ITPRID1: variants seen among roughly 807,000 people sequenced by gnomAD.
ITPRID1 encodes the protein protein ITPRID1.
ITPRID1 carries 96 observed loss-of-function variants against 95.4 expected under a neutral mutation model. The ratio of observed to expected loss-of-function variants is 1.01; its 90% CI spans 0.85 to 1.19. ITPRID1 has a LOEUF of 1.19. ITPRID1 is among the 50% of genes most tolerant of loss of function. The pLI is 0.00. For synonymous variants in ITPRID1, 510 were observed against 453.6 expected (o/e 1.12, Z -1.58); for missense variants, 1,339 against 1,252.9 (o/e 1.07, Z -1.04).
chr7:31,574,477 C>A, intron 7 of ITPRID1, 63 bp from the exon 8 acceptor site: 1 of 1,467,558 alleles, frequency 6.8e-7, no homozygotes, highest in Non-Finnish European at 9.5e-7. Flanking sequence ...GATGAGGTGA[C>A]CAGAAAAAAA....
At chr7:31,592,022 A>G (rs565944784) in intron 10 of ITPRID1, among the ~76,000 whole-genome samples, 93 of 152,374 alleles carry the variant, frequency 6.1e-4, no homozygotes, top group African/African-American at 2.2e-3. Context: ...ATATCTCATT[A>G]GCAACATAAA....
At chr7:31,533,186 G>A (rs898136578) in intron 1 of ITPRID1, among the ~76,000 whole-genome samples, 60 of 152,034 alleles carry the variant, frequency 3.9e-4, no homozygotes, top group African/African-American at 1.4e-3. Context: ...TTTCTTCAAT[G>A]CATATGAAGC....
intron 10 of ITPRID1, among the ~76,000 whole-genome samples, chr7:31,629,075 C>T (rs1235196949): frequency 6.6e-6 from 1 of 152,180 alleles, no homozygotes; most frequent in Non-Finnish European, 1.5e-5. Flanking sequence ...GGTCATGGGA[C>T]ATTGTTCACT....
At chr7:31,632,318 C>T (rs756381089) in intron 10 of ITPRID1, among the ~76,000 whole-genome samples, 2 of 151,968 alleles carry the variant, frequency 1.3e-5, no homozygotes, top group Admixed American at 6.6e-5. Flanking sequence ...CGTGGTGGCA[C>T]GTGCCTGTAG....
At chr7:31,586,622 G>A (rs1287028065) in intron 10 of ITPRID1, among the ~76,000 whole-genome samples, 6 of 152,164 alleles carry the variant, frequency 3.9e-5, no homozygotes, top group African/African-American at 1.4e-4. Flanking sequence ...GTGTTTTTTG[G>A]CTGTATAAAT....
chr7:31,643,024 G>T lies in ITPRID1; in HGVS notation c.1654G>T (p.Glu552Ter). 1 of 1,614,008 alleles carries T rather than the reference G, an allele frequency of 6.2e-7. No individual in the cohort carries two copies. Among genetic ancestry groups the T allele is most frequent in the East Asian group, 2.2e-5 (1 of 44,872 alleles). Residue 552 changes from glutamate (E) to a stop codon, truncating the protein, a stop_gained, in exon 12 of 15, where the codon GAG becomes TAG. Coordinates refer to ENST00000615280, the MANE Select transcript of ITPRID1 (RefSeq NM_001257967.3). LOFTEE classifies it high-confidence loss of function. ...TCTGCCAATGCCCCATGCTGAGTAT[G>T]AGGTCACCAGACCCACAGCCACTTC... is the stretch of plus-strand genomic sequence containing the variant. ...QLLPMPHAEY[E>*]VTRPTATSKY...
chr7:31,541,480 C>T (rs958103048), intron 1 of ITPRID1, among the ~76,000 whole-genome samples: 5 of 152,100 alleles, frequency 3.3e-5, no homozygotes, highest in Admixed American at 1.3e-4. Flanking sequence ...TTAGGGTAGC[C>T]ATAGTTAAAA....
rs200626153 is a variant in ITPRID1 at position 31,642,881 on chromosome 7, A to G, written c.1511A>G (p.Glu504Gly). ...EQRASVSVME[E>G]EFLLEAMEGP... is the part of the protein sequence containing the mutation. ...AGGGCCTCAGTATCTGTGATGGAGGAAGAGTTTCTGCTTGAGGCCATGGAG... is the reference window on the plus strand; with the variant it reads ...AGGGCCTCAGTATCTGTGATGGAGGGAGAGTTTCTGCTTGAGGCCATGGAG... The change falls in exon 12 of 15, where the codon GAA becomes GGA. Residue 504 changes from glutamate (E) to glycine (G), a missense_variant. Transcript: ENST00000615280. The G allele has an allele frequency of 3.0e-4, 489 of 1,613,894 alleles. 1 individual carries two copies. The highest frequency in any genetic ancestry group is 9.0e-4 in the Admixed American group (54 of 60,000).
intron 10 of ITPRID1, among the ~76,000 whole-genome samples, chr7:31,627,407 C>G (rs1052543973): frequency 6.6e-6 from 1 of 152,232 alleles, no homozygotes. Context: ...CCTATAATCC[C>G]AGCTCTTTGG....
intron 12 of ITPRID1, among the ~76,000 whole-genome samples, chr7:31,649,363 C>T (rs1420528900): frequency 1.3e-5 from 2 of 152,068 alleles, no homozygotes; most frequent in South Asian, 2.1e-4. Context: ...AGTTGGTCTC[C>T]ATGGAAGGAG....
Position 31,643,766 on chromosome 7 carries a change from A to T in ITPRID1, c.2396A>T (p.His799Leu), listed in dbSNP as rs748607221. The T allele has an allele frequency of 1.2e-6, 2 of 1,614,018 alleles. No individual in the cohort carries two copies. Among genetic ancestry groups the T allele is most frequent in the East Asian group, 2.2e-5 (1 of 44,874 alleles). ...AGTATCTGCCCAATGGGCACCTGCC[A>T]TGCTATACCTGCCCACTGCTGCATC... is the stretch of plus-strand genomic sequence containing the variant. Reference protein sequence around the residue: ...FSSICPMGTCHAIPAHCCICC... With the variant: ...FSSICPMGTCLAIPAHCCICC... Residue 799 changes from histidine to leucine, a missense_variant, in exon 12 of 15, where the codon CAT (histidine) becomes CTT (leucine). By Grantham distance (99) the His-to-Leu change is moderately conservative. Coordinates refer to ENST00000615280, the MANE Select transcript of ITPRID1 (RefSeq NM_001257967.3).
chr7:31,636,602 G>A (rs191197984), intron 10 of ITPRID1, among the ~76,000 whole-genome samples: 4 of 152,156 alleles, frequency 2.6e-5, no homozygotes, highest in South Asian at 4.2e-4. Flanking sequence ...ATATAGTCTG[G>A]GAGTGGGAGT....
chr7:31,519,485 C>A (rs573232731), intron 1 of ITPRID1, among the ~76,000 whole-genome samples: 3 of 150,808 alleles, frequency 2.0e-5, no homozygotes, highest in Non-Finnish European at 4.4e-5. Context: ...CCAGAGATGA[C>A]CACTGTTAGC....
chr7:31,540,876 G>C (rs985760810), intron 1 of ITPRID1, among the ~76,000 whole-genome samples: 21 of 152,164 alleles, frequency 1.4e-4, no homozygotes, highest in African/African-American at 4.8e-4. Flanking sequence ...CAAAATATAA[G>C]GCCGGTTTTC....
chr7:31,574,295 G>A (rs1785097483), intron 7 of ITPRID1, among the ~76,000 whole-genome samples: 1 of 151,930 alleles, frequency 6.6e-6, no homozygotes, highest in Non-Finnish European at 1.5e-5. Flanking sequence ...TGTGCCTGTT[G>A]TGGAATGGGA....
intron 1 of ITPRID1, among the ~76,000 whole-genome samples, chr7:31,549,107 T>C (rs547702121): frequency 1.4e-4 from 21 of 152,192 alleles, no homozygotes; most frequent in East Asian, 7.8e-4. Flanking sequence ...CATTATGCAG[T>C]TCTCTTCTTG....
At chr7:31,516,831 C>T (rs987287910) in intron 1 of ITPRID1, among the ~76,000 whole-genome samples, 7 of 152,116 alleles carry the variant, frequency 4.6e-5, no homozygotes, top group Admixed American at 6.6e-5. Context: ...GGTGGGTTCT[C>T]GGTCTCGCTG....
At chr7:31,521,226 A>G (rs977048290) in intron 1 of ITPRID1, among the ~76,000 whole-genome samples, 7 of 151,970 alleles carry the variant, frequency 4.6e-5, no homozygotes, top group African/African-American at 1.7e-4. Flanking sequence ...CTTTCCCTCC[A>G]AACGTTGCTT....
intron 1 of ITPRID1, among the ~76,000 whole-genome samples, chr7:31,520,546 TGTGTGTGTGTGTGTGTGTGAGAGA>T (rs1204883873): frequency 2.0e-4 from 15 of 75,246 alleles, no homozygotes; most frequent in African/African-American, 8.9e-4. Flanking sequence ...TGTGTGTGTG[TGTGTGTGTGTGTGTGTGTGAGAGA>T]GAGAGAGAGA....
Sources: gnomAD v4.1 joint callset for allele counts (sites outside exome capture counted in the v4.1 genomes callset) on GRCh38, gnomAD v4.1.1 for gene constraint, MANE v1.5 for transcripts, NCBI Gene and HGNC (gene_info 2026-07-23, HGNC 2026-07-21) for gene names.